Variants in CIMIP2C observed in about 807,000 individuals in gnomAD.
CIMIP2C encodes UPF0573 protein C2orf70.
At chr2:26,566,895 T>C in the CIMIP2C span, among the ~76,000 whole-genome samples, 1 of 152,140 alleles carries the variant, frequency 6.6e-6, no homozygotes, top group Non-Finnish European at 1.5e-5. Flanking sequence ...AATTTTTATA[T>C]TTTTTGTAGA....
chr2:26,567,683 A>C, the CIMIP2C span, among the ~76,000 whole-genome samples: 1 of 152,194 alleles, frequency 6.6e-6, no homozygotes, highest in African/African-American at 2.4e-5. Context: ...AGGCCAGTGC[A>C]TCTTGGGGTA....
the CIMIP2C span, among the ~76,000 whole-genome samples, chr2:26,565,621 T>C: frequency 5.9e-5 from 9 of 152,316 alleles, no homozygotes; most frequent in Admixed American, 2.0e-4. Context: ...GTACGAATCC[T>C]GGCTCCATGA....
chr2:26,571,973 T>C, the CIMIP2C span: 1 of 729,394 alleles, frequency 1.4e-6, no homozygotes, highest in Non-Finnish European at 1.9e-6. Context: ...GAAGAATAAG[T>C]AGATTTGAGA....
chr2:26,577,030 G>A, the CIMIP2C span, among the ~76,000 whole-genome samples: 23 of 152,316 alleles, frequency 1.5e-4, no homozygotes, highest in Middle Eastern at 3.4e-3. Flanking sequence ...CAGCTTCCTC[G>A]GGAGAGGAGG....
At chr2:26,572,083 G>T in the CIMIP2C span, 2 of 1,540,712 alleles carry the variant, frequency 1.3e-6, no homozygotes, top group East Asian at 2.5e-5. Context: ...CCATTATGTT[G>T]TACTTTTTTC....
At chr2:26,566,658 C>T in the CIMIP2C span, among the ~76,000 whole-genome samples, 5 of 152,194 alleles carry the variant, frequency 3.3e-5, no homozygotes, top group Admixed American at 6.5e-5. Context: ...CAAACACAGA[C>T]GATAGTAACG....
chr2:26,576,685 G>A, the CIMIP2C span, among the ~76,000 whole-genome samples: 2 of 152,176 alleles, frequency 1.3e-5, no homozygotes, highest in East Asian at 1.9e-4. Context: ...CCCCCTGGGG[G>A]CATGCTCTGA....
At chr2:26,579,337 GCC>G in the CIMIP2C span, 1 of 1,614,050 alleles carries the variant, frequency 6.2e-7, no homozygotes, top group African/African-American at 1.3e-5. Flanking sequence ...TTTAAGACTA[GCC>G]CCCGAGAACC....
chr2:26,571,752 G>A, the CIMIP2C span, among the ~76,000 whole-genome samples: 7 of 152,112 alleles, frequency 4.6e-5, no homozygotes, highest in African/African-American at 7.2e-5. Context: ...GATCGGGCGC[G>A]CTCAGGGTGG....
At chr2:26,575,898 G>A in the CIMIP2C span, 1 of 1,611,308 alleles carries the variant, frequency 6.2e-7, no homozygotes, top group Non-Finnish European at 8.5e-7. Context: ...ACCGTGATCG[G>A]CAGGTACCAG....
At chr2:26,575,839 C>A in the CIMIP2C span, 1 of 1,559,456 alleles carries the variant, frequency 6.4e-7, no homozygotes, top group East Asian at 2.3e-5. Flanking sequence ...AAGGGCCTCT[C>A]TTGGAACAGG....
the CIMIP2C span, among the ~76,000 whole-genome samples, chr2:26,567,733 C>T: frequency 2.0e-5 from 3 of 152,162 alleles, no homozygotes. Context: ...GTAGGGGACC[C>T]TTTGTGCCCA....
the CIMIP2C span, among the ~76,000 whole-genome samples, chr2:26,563,977 C>A: frequency 6.6e-6 from 1 of 152,132 alleles, no homozygotes; most frequent in Non-Finnish European, 1.5e-5. Context: ...CGAAGCCAAG[C>A]CAGGTGACTT....
the CIMIP2C span, chr2:26,562,722 C>A: frequency 6.6e-7 from 1 of 1,522,804 alleles, no homozygotes; most frequent in Non-Finnish European, 8.9e-7. Flanking sequence ...CCTCCCCCTT[C>A]CACTAGCGCC....
the CIMIP2C span, among the ~76,000 whole-genome samples, chr2:26,567,897 C>G: frequency 6.6e-6 from 1 of 152,280 alleles, no homozygotes; most frequent in Middle Eastern, 3.4e-3. Context: ...GACAGGAATG[C>G]TTGTCTGAGA....
chr2:26,571,080 T>A, the CIMIP2C span, among the ~76,000 whole-genome samples: 2 of 152,126 alleles, frequency 1.3e-5, no homozygotes, highest in Non-Finnish European at 2.9e-5. Context: ...CAGCCTTGTG[T>A]GGATCCATTG....
At chr2:26,574,850 G>A in the CIMIP2C span, among the ~76,000 whole-genome samples, 360 of 152,374 alleles carry the variant, frequency 2.4e-3, no homozygotes, top group African/African-American at 8.4e-3. Context: ...CCACCGACCT[G>A]CAGCAGCAAG....
the CIMIP2C span, chr2:26,578,523 G>A: frequency 4.3e-3 from 1,072 of 249,846 alleles, 3 homozygotes; most frequent in African/African-American, 0.019. Flanking sequence ...CTCATTGATC[G>A]CCTGGGGAAC....
At chr2:26,574,596 G>A in the CIMIP2C span, among the ~76,000 whole-genome samples, 2 of 152,240 alleles carry the variant, frequency 1.3e-5, no homozygotes, top group Admixed American at 1.3e-4. Context: ...TGTGGACTGG[G>A]TTCATCTGCA....
Sources: gnomAD v4.1 joint callset for allele counts (sites outside exome capture counted in the v4.1 genomes callset) on GRCh38, gnomAD v4.1.1 for gene constraint, MANE v1.5 for transcripts, NCBI Gene and HGNC (gene_info 2026-07-23, HGNC 2026-07-21) for gene names.